The following P2RY14 variants were observed in gnomAD, a reference collection of about 807,000 sequenced individuals.
P2RY14 encodes the protein P2Y purinoceptor 14.
A neutral mutation model predicts 0.9 loss-of-function variants in P2RY14; 2 were observed. The ratio of observed to expected loss-of-function variants is 2.16; its 90% CI spans 0.88 to 6.79. The LOEUF (loss-of-function observed/expected upper bound fraction) is 6.79. P2RY14 is among the 30% of genes most tolerant of loss of function. P2RY14 has a pLI of 0.05. For synonymous variants in P2RY14, 158 were observed against 147.2 expected (o/e 1.07, Z -0.53); for missense variants, 378 against 400.1 (o/e 0.94, Z 0.47).
intron 1 of P2RY14, among the ~76,000 whole-genome samples, chr3:151,251,667 C>T (rs978791248): frequency 6.6e-6 from 1 of 152,176 alleles, no homozygotes; most frequent in Non-Finnish European, 1.5e-5. Flanking sequence ...CAGCAACACT[C>T]AATTGTTTGA....
chr3:151,223,692 G>A (rs923460426), intron 1 of P2RY14, among the ~76,000 whole-genome samples: 2 of 152,194 alleles, frequency 1.3e-5, no homozygotes, highest in African/African-American at 4.8e-5. Flanking sequence ...CCAAAGACGG[G>A]GAGGTAGGAA....
intron 1 of P2RY14, among the ~76,000 whole-genome samples, chr3:151,236,063 T>G (rs1237964171): frequency 6.6e-6 from 1 of 152,162 alleles, no homozygotes; most frequent in Admixed American, 6.5e-5. Context: ...CCCCCTATTC[T>G]TACATACAGC....
chr3:151,254,828 G>A (rs555030063), intron 1 of P2RY14, among the ~76,000 whole-genome samples: 10 of 152,190 alleles, frequency 6.6e-5, no homozygotes, highest in African/African-American at 2.2e-4. Context: ...TTTGCTTTTG[G>A]CAGGTTGCAA....
At chr3:151,237,395 G>A (rs1397684841) in intron 1 of P2RY14, among the ~76,000 whole-genome samples, 1 of 113,586 alleles carries the variant, frequency 8.8e-6, no homozygotes, top group East Asian at 3.1e-4. Context: ...TGTCGCCCAA[G>A]CTGGAGTGTG....
At chr3:151,257,670 G>A (rs1186004627) in intron 1 of P2RY14, among the ~76,000 whole-genome samples, 1 of 152,202 alleles carries the variant, frequency 6.6e-6, no homozygotes, top group African/African-American at 2.4e-5. Flanking sequence ...TTTGCATTGT[G>A]TGGGCTTTCA....
chr3:151,231,535 A>C (rs1731672492), intron 1 of P2RY14, among the ~76,000 whole-genome samples: 1 of 152,230 alleles, frequency 6.6e-6, no homozygotes, highest in Non-Finnish European at 1.5e-5. Flanking sequence ...ATGAGCAATC[A>C]GACAAATTTA....
intron 1 of P2RY14, among the ~76,000 whole-genome samples, chr3:151,242,033 G>A (rs1324753973): frequency 9.9e-5 from 15 of 152,272 alleles, no homozygotes; most frequent in African/African-American, 3.1e-4. Flanking sequence ...GGAAAATCGG[G>A]TCACTCCCAC....
intron 1 of P2RY14, chr3:151,241,691 A>G (rs574921879): frequency 6.6e-6 from 1 of 152,058 alleles, no homozygotes; most frequent in Non-Finnish European, 1.5e-5. Flanking sequence ...ACACACATAC[A>G]TAATTTTTTT....
chr3:151,251,569 A>G (rs1002054507), intron 1 of P2RY14, among the ~76,000 whole-genome samples: 1 of 152,108 alleles, frequency 6.6e-6, no homozygotes, highest in African/African-American at 2.4e-5. Flanking sequence ...TAATACTTAA[A>G]AGATAAGTTC....
At chr3:151,265,675 T>G (rs1164359217) in intron 1 of P2RY14, among the ~76,000 whole-genome samples, 2 of 152,214 alleles carry the variant, frequency 1.3e-5, no homozygotes, top group Non-Finnish European at 2.9e-5. Flanking sequence ...GTTTCTTGGC[T>G]GGCTTCTGGC....
intron 1 of P2RY14, among the ~76,000 whole-genome samples, chr3:151,261,164 G>C (rs1018623996): frequency 2.0e-5 from 3 of 151,846 alleles, no homozygotes; most frequent in African/African-American, 7.3e-5. Context: ...AAATTATACT[G>C]TTCCCCATTC....
chr3:151,213,946 A>T lies in P2RY14; in HGVS notation c.371T>A (p.Val124Glu). The T allele has an allele frequency of 6.2e-7, 1 of 1,614,150 alleles. No homozygotes were observed. The highest frequency in any genetic ancestry group is 1.7e-5 in the Admixed American group (1 of 60,018). ...GATGAAAGAAGTCCAAAGAGGCTTT[A>T]CAATTTTATAATATCTGTCAAAGCT... ...LISFDRYYKIVKPLWTSFIQS... is the reference protein window; with the variant it reads ...LISFDRYYKIEKPLWTSFIQS... The change falls in exon 3 of 3, where the codon GTA (valine) becomes GAA (glutamate). Residue 124 changes from valine (V) to glutamate (E), a missense_variant. Val to Glu is a moderately radical substitution (Grantham distance 121, BLOSUM62 -2). Coordinates refer to ENST00000309170, the MANE Select transcript of P2RY14 (RefSeq NM_014879.4).
At chr3:151,217,104 G>A (rs929078756) in intron 2 of P2RY14, among the ~76,000 whole-genome samples, 1 of 152,060 alleles carries the variant, frequency 6.6e-6, no homozygotes, top group Non-Finnish European at 1.5e-5. Flanking sequence ...TAATAACTGT[G>A]TAATATATAG....
At chr3:151,263,558 TTATC>T (rs1175996476) in intron 1 of P2RY14, among the ~76,000 whole-genome samples, 9 of 152,368 alleles carry the variant, frequency 5.9e-5, no homozygotes, top group African/African-American at 1.9e-4. Context: ...TTTACGTGTT[TTATC>T]GTTAATTTAA....
At chr3:151,274,530 A>C (rs760958906) in intron 1 of P2RY14, among the ~76,000 whole-genome samples, 18 of 152,146 alleles carry the variant, frequency 1.2e-4, no homozygotes, top group Non-Finnish European at 1.9e-4. Flanking sequence ...ACTAAAGGCC[A>C]CCTCCTAGGA....
At chr3:151,243,481 A>G (rs906852553) in intron 1 of P2RY14, among the ~76,000 whole-genome samples, 4 of 152,204 alleles carry the variant, frequency 2.6e-5, no homozygotes, top group Non-Finnish European at 4.4e-5. Flanking sequence ...TAAAGACAAG[A>G]ATTTTCAACC....
intron 1 of P2RY14, among the ~76,000 whole-genome samples, chr3:151,230,855 A>G (rs1264441808): frequency 1.3e-5 from 2 of 152,322 alleles, no homozygotes; most frequent in African/African-American, 2.4e-5. Context: ...CAGTGAGCTC[A>G]TCTTGTTTGG....
intron 1 of P2RY14, among the ~76,000 whole-genome samples, chr3:151,232,868 A>G (rs1371664164): frequency 6.6e-6 from 1 of 152,192 alleles, no homozygotes; most frequent in Non-Finnish European, 1.5e-5. Flanking sequence ...ATCTGCAACA[A>G]ATCCCTGTGG....
intron 1 of P2RY14, among the ~76,000 whole-genome samples, chr3:151,232,932 A>G (rs1731990858): frequency 6.6e-6 from 1 of 152,186 alleles, no homozygotes; most frequent in Non-Finnish European, 1.5e-5. Flanking sequence ...AATTTTTTTT[A>G]ATATTGTTTA....
Sources: gnomAD v4.1 joint callset for allele counts (sites outside exome capture counted in the v4.1 genomes callset) on GRCh38, gnomAD v4.1.1 for gene constraint, MANE v1.5 for transcripts, NCBI Gene and HGNC (gene_info 2026-07-23, HGNC 2026-07-21) for gene names.